The following TRIM33 variants were observed in gnomAD, a reference collection of about 807,000 sequenced individuals.
TRIM33 encodes E3 ubiquitin-protein ligase TRIM33.
A neutral mutation model predicts 125.4 loss-of-function variants in TRIM33; 20 were observed. The observed-to-expected ratio is 0.16, with a 90% CI of 0.11 to 0.23. The LOEUF is 0.23. TRIM33 is among the 10% of genes least tolerant of loss of function. The pLI is 1.00. For missense variants in TRIM33, 920 were observed against 1,411.4 expected, an observed-to-expected ratio of 0.65 and a Z score of 5.58; for synonymous variants, 564 against 513.9, an observed-to-expected ratio of 1.10 and a Z score of -1.32.
chr1:114,471,620 T>C (rs1650658374), intron 1 of TRIM33, among the ~76,000 whole-genome samples: 3 of 151,564 alleles, frequency 2.0e-5, no homozygotes, highest in Non-Finnish European at 4.4e-5. Flanking sequence ...CAGCAGCAAC[T>C]GCAAAAAACA....
At chr1:114,510,329 T>TC (rs991069994) in intron 1 of TRIM33, among the ~76,000 whole-genome samples, 6 of 151,650 alleles carry the variant, frequency 4.0e-5, no homozygotes, top group Non-Finnish European at 5.9e-5. Flanking sequence ...CAGTGTCCCC[T>TC]CCCCCAGCCT....
rs75928651 is a variant in TRIM33, at chr1:114,442,200, G to A, written c.924-8467C>T. ...AGATCAATGAATACTCATTTGTTGA[G>A]TGAAGTTCAATAAACAAACCATTTT... On this transcript the variant is annotated intron_variant, in intron 4 of 19. Coordinates refer to ENST00000358465, the MANE Select transcript of TRIM33 (RefSeq NM_015906.4). Among the ~76,000 whole-genome samples the A allele has an allele frequency of 3.8e-3, 584 of 152,276 alleles. 14 individuals carry two copies. Among genetic ancestry groups the A allele is most frequent in the East Asian group, 4.4e-3 (23 of 5,186 alleles).
At chr1:114,456,022 G>A (rs11799935) in intron 4 of TRIM33, among the ~76,000 whole-genome samples, 3,922 of 152,266 alleles carry the variant, frequency 0.026, 87 homozygotes, top group Non-Finnish European at 0.034. Context: ...CCTAACAGGT[G>A]TTAAGGTTAA....
chr1:114,445,251 T>TG (rs1475270364), intron 4 of TRIM33, among the ~76,000 whole-genome samples: 1 of 152,168 alleles, frequency 6.6e-6, no homozygotes, highest in Non-Finnish European at 1.5e-5. Context: ...TTTTTGTTTT[T>TG]GGAGATAGGT....
At chr1:114,478,270 C>T (rs1051529587) in intron 1 of TRIM33, among the ~76,000 whole-genome samples, 33 of 152,230 alleles carry the variant, frequency 2.2e-4, no homozygotes, top group Non-Finnish European at 4.3e-4. Context: ...ACCATAAAAA[C>T]AGCAGCTTTG....
chr1:114,485,210 A>G (rs1418880827), intron 1 of TRIM33, among the ~76,000 whole-genome samples: 2 of 152,184 alleles, frequency 1.3e-5, no homozygotes, highest in Non-Finnish European at 1.5e-5. Context: ...GTAAAATGTT[A>G]GGACCAAAAG....
chr1:114,430,205 C>T (rs1433039296), intron 6 of TRIM33, among the ~76,000 whole-genome samples: 5 of 150,436 alleles, frequency 3.3e-5, no homozygotes, highest in Admixed American at 3.3e-4. Flanking sequence ...GACTACTTTG[C>T]CTTTACGTAC....
At chr1:114,432,638 T>C in intron 5 of TRIM33, among the ~76,000 whole-genome samples, 1 of 152,044 alleles carries the variant, frequency 6.6e-6, no homozygotes, top group Non-Finnish European at 1.5e-5. Flanking sequence ...TACAAAAAAT[T>C]AGCCGAGCAT....
At chr1:114,469,576 A>C (rs1280654890) in intron 1 of TRIM33, among the ~76,000 whole-genome samples, 1 of 152,228 alleles carries the variant, frequency 6.6e-6, no homozygotes, top group Non-Finnish European at 1.5e-5. Context: ...GAGCAAGAAA[A>C]TCAAATTTAA....
chr1:114,408,097 T>C (rs929462312), intron 13 of TRIM33, among the ~76,000 whole-genome samples: 22 of 151,984 alleles, frequency 1.4e-4, no homozygotes, highest in Non-Finnish European at 4.4e-5. Flanking sequence ...AAATCAAACC[T>C]AAATCTGATC....
In TRIM33 at chr1:114,408,681, C is replaced by T. The variant is rs1335328766; in HGVS notation, c.2254G>A (p.Gly752Ser). ...AATAATTATCAATATACTCACCTGCCTCGACTGCCAGTACTAGAAGTACTT... is the reference window on the plus strand; with the variant it reads ...AATAATTATCAATATACTCACCTGCTTCGACTGCCAGTACTAGAAGTACTT... Reference protein sequence around the residue: ...PPSTSSTGSRGSCGSSGRTAE... With the variant: ...PPSTSSTGSRSSCGSSGRTAE... Residue 752 changes from glycine (G) to serine (S), a missense_variant, in exon 13 of 20, where the codon GGC becomes AGC. Gly to Ser is a moderately conservative substitution (Grantham distance 56). This residue lies in a region of TRIM33 where 407 missense variants were observed against 589.7 expected (regional missense o/e 0.69). Coordinates refer to ENST00000358465, the MANE Select transcript of TRIM33 (RefSeq NM_015906.4). 1.3e-6 allele frequency: 2 copies of T among 1,596,012 alleles called. No individual in the cohort carries two copies. The highest frequency in any genetic ancestry group is 1.7e-6 in the Non-Finnish European group (2 of 1,169,406).
At chr1:114,433,412 C>T (rs947993672) in intron 5 of TRIM33, among the ~76,000 whole-genome samples, 25 of 152,086 alleles carry the variant, frequency 1.6e-4, no homozygotes, top group Admixed American at 1.6e-3. Context: ...TTAAAATAGA[C>T]AAAGATGTGT....
chr1:114,401,375 G>A lies in TRIM33; in HGVS notation c.2967+14C>T, dbSNP rs1651881806. 6.2e-7 allele frequency: 1 copy of A among 1,609,070 alleles called. No homozygotes were observed. The stretch of plus-strand genomic sequence containing the variant: ...TGAGACTTCCCCACCGAGCTACTAA[G>A]GTAGGCAACTCACCGAAGCAGGAAC... On this transcript the variant is annotated intron_variant, in intron 17 of 19. Coordinates refer to ENST00000358465, the MANE Select transcript of TRIM33 (RefSeq NM_015906.4).
intron 1 of TRIM33, among the ~76,000 whole-genome samples, chr1:114,491,283 T>TA (rs1417724669): frequency 1.3e-5 from 2 of 152,216 alleles, no homozygotes; most frequent in African/African-American, 4.8e-5. Flanking sequence ...GCCATTTATA[T>TA]AAAAGAAATA....
At chr1:114,427,678 A>C in intron 7 of TRIM33, 70 bp downstream of exon 7, 1 of 1,455,570 alleles carries the variant, frequency 6.9e-7, no homozygotes, top group South Asian at 1.4e-5. Flanking sequence ...TACTTTAAAC[A>C]GGTGCAATTC....
chr1:114,436,237 C>A (rs752251125), intron 4 of TRIM33, among the ~76,000 whole-genome samples: 7 of 151,150 alleles, frequency 4.6e-5, no homozygotes, highest in Non-Finnish European at 8.9e-5. Context: ...CCTGTCTCTA[C>A]TAAAATACAA....
At chr1:114,469,961 A>G (rs1650539349) in intron 1 of TRIM33, among the ~76,000 whole-genome samples, 1 of 152,242 alleles carries the variant, frequency 6.6e-6, no homozygotes, top group African/African-American at 2.4e-5. Context: ...ATATATTTAG[A>G]TAATGTCAGT....
chr1:114,406,881 G>A (rs1652279803), intron 14 of TRIM33, 60 bp downstream of exon 14: 1 of 1,530,116 alleles, frequency 6.5e-7, no homozygotes, highest in Admixed American at 1.8e-5. Context: ...TATACTCAGA[G>A]CTGAAAGAAT....
chr1:114,473,867 G>T (rs1650808722), intron 1 of TRIM33, among the ~76,000 whole-genome samples: 1 of 152,048 alleles, frequency 6.6e-6, no homozygotes. Flanking sequence ...TGAAAATAAA[G>T]AGCAGATAAA....
Sources: allele counts gnomAD v4.1 joint callset (sites outside exome capture counted in the v4.1 genomes callset), GRCh38; gene constraint gnomAD v4.1.1; regional missense constraint gnomAD v4.1.1; transcripts MANE v1.5; gene names NCBI Gene and HGNC (gene_info 2026-07-23, HGNC 2026-07-21).